SLC36A1: variants seen among roughly 807,000 people sequenced by gnomAD.
SLC36A1 encodes the protein proton-coupled amino acid transporter 1.
Under a neutral mutation model 47.5 loss-of-function variants are expected in SLC36A1, and 30 were observed. The ratio of observed to expected loss-of-function variants is 0.63; its 90% CI spans 0.47 to 0.86. The LOEUF (loss-of-function observed/expected upper bound fraction) is 0.86. SLC36A1 is among the 40% of genes least tolerant of loss of function. The probability of loss-of-function intolerance (pLI) is 0.00; values close to 1 mark genes in which losing one functional copy is unlikely to be tolerated. For missense variants in SLC36A1, 517 were observed against 606.0 expected (o/e 0.85, Z 1.54); for synonymous variants, 255 against 249.7 (o/e 1.02, Z -0.20).
chr5:151,389,483 C>CATGTGCG, the SLC36A1 span, among the ~76,000 whole-genome samples: 1 of 151,924 alleles, frequency 6.6e-6, no homozygotes, highest in East Asian at 1.9e-4. Flanking sequence ...CGTATGTATA[C>CATGTGCG]ATGTGCGATG....
chr5:151,505,830 C>T, the SLC36A1 span: 30 of 1,613,396 alleles, frequency 1.9e-5, no homozygotes, highest in African/African-American at 8.0e-5. Context: ...GGCAACCAGG[C>T]GCTCCCGGGG....
At chr5:151,474,752 T>C (rs1017392861) in intron 8 of SLC36A1, among the ~76,000 whole-genome samples, 1 of 152,208 alleles carries the variant, frequency 6.6e-6, no homozygotes, top group African/African-American at 2.4e-5. Flanking sequence ...CCCTCACTTT[T>C]ACCTAATTTG....
intron 10 of SLC36A1, chr5:151,480,165 T>G: frequency 1.8e-6 from 2 of 1,083,066 alleles, no homozygotes; most frequent in Non-Finnish European, 2.5e-6. Flanking sequence ...GTTGGTAGAC[T>G]AGAGAACCCC....
chr5:151,402,483 T>C, the SLC36A1 span, among the ~76,000 whole-genome samples: 1 of 152,182 alleles, frequency 6.6e-6, no homozygotes, highest in Non-Finnish European at 1.5e-5. Context: ...CAGGTTTTGG[T>C]ATCAGTATGA....
At chr5:151,484,895 C>G (rs1370263075) in intron 10 of SLC36A1, among the ~76,000 whole-genome samples, 2 of 152,104 alleles carry the variant, frequency 1.3e-5, no homozygotes. Context: ...GCTCAGTTCT[C>G]CCGATTGTTA....
intron 1 of SLC36A1, among the ~76,000 whole-genome samples, chr5:151,455,137 G>A (rs1026367456): frequency 1.3e-5 from 2 of 152,130 alleles, no homozygotes; most frequent in African/African-American, 4.8e-5. Context: ...CATGTAGAGT[G>A]GATGGAGCAG....
At chr5:151,461,571 A>G (rs774839221) in intron 2 of SLC36A1, among the ~76,000 whole-genome samples, 2 of 152,220 alleles carry the variant, frequency 1.3e-5, no homozygotes, top group African/African-American at 4.8e-5. Flanking sequence ...CAAGAAGTCT[A>G]TGAGGCTAAA....
chr5:151,549,620 C>T, the SLC36A1 span: 1 of 749,724 alleles, frequency 1.3e-6, no homozygotes, highest in African/African-American at 1.7e-5. Flanking sequence ...TTGTAACTAA[C>T]TCCCCATATT....
At chr5:151,544,462 G>C in the SLC36A1 span, 1 of 1,614,158 alleles carries the variant, frequency 6.2e-7, no homozygotes, top group Non-Finnish European at 8.5e-7. Flanking sequence ...TAGGACACCA[G>C]TCTTGAAGTC....
chr5:151,451,733 G>T (rs368870892), intron 1 of SLC36A1, among the ~76,000 whole-genome samples: 1 of 152,194 alleles, frequency 6.6e-6, no homozygotes, highest in Non-Finnish European at 1.5e-5. Context: ...GGCAAAGGGA[G>T]ATGAATTAAC....
chr5:151,455,690 T>G (rs1309691019), intron 1 of SLC36A1, among the ~76,000 whole-genome samples: 2 of 152,198 alleles, frequency 1.3e-5, no homozygotes, highest in African/African-American at 2.4e-5. Context: ...TTTTAACAGT[T>G]TACTTGAACT....
At chr5:151,452,726 TG>T (rs1289408936) in intron 1 of SLC36A1, among the ~76,000 whole-genome samples, 1 of 150,664 alleles carries the variant, frequency 6.6e-6, no homozygotes, top group Non-Finnish European at 1.5e-5. Context: ...AAAAATTATC[TG>T]GGCATGGTGA....
intron 1 of SLC36A1, among the ~76,000 whole-genome samples, chr5:151,457,405 C>G (rs1186027778): frequency 6.6e-6 from 1 of 152,084 alleles, no homozygotes; most frequent in Non-Finnish European, 1.5e-5. Flanking sequence ...CTTTAAGAAG[C>G]CCTTGCTCTT....
At position 151,459,013 on chromosome 5, in the gene SLC36A1, A is replaced by G. The variant is rs141745678; in HGVS notation, c.143+78A>G. ...TCCCTTGGACTTATTTTTCCCCCCA[A>G]TTTCATCAGTCCTCCACTTTACAGA... is the stretch of plus-strand genomic sequence containing the variant. On this transcript the variant is annotated intron_variant, in intron 2 of 10. Coordinates refer to ENST00000243389, the MANE Select transcript of SLC36A1 (RefSeq NM_078483.4). 5.4e-3 allele frequency: 7,898 copies of G among 1,461,582 alleles called. 45 individuals are homozygous for G. The highest frequency in any genetic ancestry group is 0.021 in the Middle Eastern group (120 of 5,596). The allele number at this position is 1,461,582 out of a possible 1,614,324, so 90.5% of individuals were successfully genotyped here.
chr5:151,466,440 A>G (rs892082176), intron 5 of SLC36A1, among the ~76,000 whole-genome samples: 3 of 152,164 alleles, frequency 2.0e-5, no homozygotes, highest in Non-Finnish European at 2.9e-5. Flanking sequence ...AACGTCTGAG[A>G]CGTTTTTCTC....
the SLC36A1 span, chr5:151,507,504 A>G: frequency 6.2e-7 from 1 of 1,614,170 alleles, no homozygotes. Flanking sequence ...AATGAACGCC[A>G]CGGCCACTGT....
chr5:151,555,367 CTT>C, the SLC36A1 span, among the ~76,000 whole-genome samples: 5,430 of 122,616 alleles, frequency 0.044, 38 homozygotes, highest in East Asian at 0.074. Flanking sequence ...TAATATATTT[CTT>C]TTTTTTTTTT....
the SLC36A1 span, chr5:151,542,650 G>C: frequency 6.2e-7 from 1 of 1,614,180 alleles, no homozygotes; most frequent in South Asian, 1.1e-5. Flanking sequence ...ATCTCTCCCA[G>C]TGTCCTTGTC....
the SLC36A1 span, among the ~76,000 whole-genome samples, chr5:151,508,752 T>TAATC: frequency 2.5e-4 from 37 of 150,082 alleles, no homozygotes; most frequent in Admixed American, 1.7e-3. Flanking sequence ...ATACCCAGAG[T>TAATC]AATCATGGGA....
Sources: gnomAD v4.1 joint callset for allele counts (sites outside exome capture counted in the v4.1 genomes callset) on GRCh38, gnomAD v4.1.1 for gene constraint, MANE v1.5 for transcripts, NCBI Gene and HGNC (gene_info 2026-07-23, HGNC 2026-07-21) for gene names.